Variants in KIF24 observed in about 807,000 individuals in gnomAD.
The protein encoded by KIF24 is kinesin-like protein KIF24.
A neutral mutation model predicts 118.9 loss-of-function variants in KIF24; 81 were observed. The observed-to-expected ratio is 0.68, with a 90% CI of 0.57 to 0.82. The LOEUF is 0.82. Ranked by LOEUF, KIF24 falls within the 40% of genes least tolerant of loss-of-function variation. KIF24 has a pLI of 0.00. For missense variants in KIF24, 1,560 were observed against 1,661.6 expected, an observed-to-expected ratio of 0.94 and a Z score of 1.06; for synonymous variants, 599 against 610.0, an observed-to-expected ratio of 0.98 and a Z score of 0.27.
At chr9:34,272,643 A>C (rs1835547967) in intron 6 of KIF24, among the ~76,000 whole-genome samples, 1 of 152,142 alleles carries the variant, frequency 6.6e-6, no homozygotes, top group Admixed American at 6.5e-5. Context: ...ATTTTTTTGA[A>C]ATAGGGGCTT....
chr9:34,269,301 G>A lies in KIF24; in HGVS notation c.1399C>T (p.Gln467Ter), dbSNP rs1220870283. 2 of 1,611,638 alleles carry A rather than the reference G, an allele frequency of 1.2e-6. No individual in the cohort carries two copies. Among genetic ancestry groups the A allele is most frequent in the Non-Finnish European group, 1.7e-6 (2 of 1,178,382 alleles). Residue 467 changes from glutamine to a stop codon, truncating the protein, a stop_gained, in exon 8 of 13, where the codon CAG becomes TAG. Coordinates refer to ENST00000402558, the MANE Select transcript of KIF24 (RefSeq NM_194313.4). LOFTEE classifies it high-confidence loss of function. ...ATTTCTGCACCTTCCATCTTTGTCT[G>A]TCTATCTGAGTCCCTTGCATCTGCT... ...RAADARDSDR[Q>*]TKMEGAEINQ... is the part of the protein sequence containing the mutation.
intron 8 of KIF24, among the ~76,000 whole-genome samples, chr9:34,264,633 G>A (rs1835218734): frequency 6.6e-6 from 1 of 152,080 alleles, no homozygotes; most frequent in Non-Finnish European, 1.5e-5. Context: ...AATCTATCCA[G>A]TATTCCCCAA....
intron 2 of KIF24, among the ~76,000 whole-genome samples, chr9:34,310,240 G>C (rs1837086348): frequency 6.6e-6 from 1 of 152,094 alleles, no homozygotes; most frequent in African/African-American, 2.4e-5. Context: ...AATGTGTGTA[G>C]GTGAACTAAC....
chr9:34,299,771 ATTCT>A (rs371056853), intron 3 of KIF24, among the ~76,000 whole-genome samples: 1 of 151,640 alleles, frequency 6.6e-6, no homozygotes, highest in East Asian at 1.9e-4. Flanking sequence ...AATAATATAT[ATTCT>A]TTTATATATA....
chr9:34,319,553 C>A, intron 1 of KIF24: 1 of 1,135,780 alleles, frequency 8.8e-7, no homozygotes, highest in South Asian at 1.3e-5. Flanking sequence ...TCTACTCCGA[C>A]CACCCCTTCA....
Position 34,256,703 on chromosome 9 carries a change from C to A in KIF24, c.2904G>T (p.Glu968Asp). ...FDLRKDASQSEVSGENEGNLP... is the reference protein window; with the variant it reads ...FDLRKDASQSDVSGENEGNLP... Reference sequence around the variant, plus strand: ...AGTTGCCCTCATTCTCCCCAGAAACCTCACTTTGGGAGGCATCCTTTCTGA... The same window carrying A: ...AGTTGCCCTCATTCTCCCCAGAAACATCACTTTGGGAGGCATCCTTTCTGA... The change falls in exon 11 of 13, where the codon GAG (glutamate) becomes GAT (aspartate). Residue 968 changes from glutamate to aspartate, a missense_variant. Physicochemically the swap from Glu to Asp is conservative, Grantham distance 45 (BLOSUM62 2). Transcript: ENST00000402558. The A allele has an allele frequency of 6.2e-7, 1 of 1,614,000 alleles. No individual in the cohort carries two copies. Among genetic ancestry groups the A allele is most frequent in the Non-Finnish European group, 8.5e-7 (1 of 1,179,894 alleles).
chr9:34,264,544 G>C (rs1250255643), intron 8 of KIF24, among the ~76,000 whole-genome samples: 1 of 151,980 alleles, frequency 6.6e-6, no homozygotes, highest in Non-Finnish European at 1.5e-5. Flanking sequence ...AGCAGCCACA[G>C]ATGCCCGCAA....
At chr9:34,300,844 ATTT>A (rs1836672890) in intron 3 of KIF24, among the ~76,000 whole-genome samples, 1 of 86,612 alleles carries the variant, frequency 1.2e-5, no homozygotes, top group South Asian at 5.5e-4. Flanking sequence ...TATATTCGGC[ATTT>A]CTCAAAAAAA....
At chr9:34,332,774 T>C (rs1245343894), upstream of KIF24, among the ~76,000 whole-genome samples, 1 of 152,188 alleles carries the variant, frequency 6.6e-6, no homozygotes, top group African/African-American at 2.4e-5. Flanking sequence ...AAAGGTGCAT[T>C]TGAGGGAATA....
chr9:34,310,154 G>C (rs1364883904), intron 2 of KIF24, among the ~76,000 whole-genome samples: 1 of 152,062 alleles, frequency 6.6e-6, no homozygotes, highest in Admixed American at 6.6e-5. Flanking sequence ...ATGTCTTACT[G>C]TTTGTAATCA....
chr9:34,321,350 A>G (rs1028089210), intron 1 of KIF24, among the ~76,000 whole-genome samples: 1 of 152,130 alleles, frequency 6.6e-6, no homozygotes, highest in African/African-American at 2.4e-5. Flanking sequence ...GCTAAGAACC[A>G]GGTGTGATAC....
intron 4 of KIF24, among the ~76,000 whole-genome samples, chr9:34,292,652 C>G (rs1836298685): frequency 6.6e-6 from 1 of 152,096 alleles, no homozygotes; most frequent in Non-Finnish European, 1.5e-5. Context: ...AGCAAGGGAA[C>G]CATAGAAATG....
chr9:34,256,957 C>A lies in KIF24; in HGVS notation c.2650G>T (p.Asp884Tyr). 6.2e-7 allele frequency: 1 copy of A among 1,614,012 alleles called. No homozygotes were observed. The highest frequency in any genetic ancestry group is 1.7e-5 in the Admixed American group (1 of 60,020). The change falls in exon 11 of 13, where the codon GAC (aspartate) becomes TAC (tyrosine). Residue 884 changes from aspartate to tyrosine, a missense_variant. Transcript: ENST00000402558. ...CAGCTTTTAGTTAGATCTTTCTTGT[C>A]ACCTGTCCTGGGGCTAGAAAACAGA... is the stretch of plus-strand genomic sequence containing the variant. Reference protein sequence around the residue: ...QSLFSSPRTGDKKDLTKSWVD... With the variant: ...QSLFSSPRTGYKKDLTKSWVD...
chr9:34,260,364 A>C (rs1283679841), intron 9 of KIF24, among the ~76,000 whole-genome samples: 1 of 152,184 alleles, frequency 6.6e-6, no homozygotes, highest in South Asian at 2.1e-4. Context: ...AAACTAAATA[A>C]TTATACACTG....
In KIF24 at chr9:34,253,759, T is replaced by C. The variant is rs968790509; in HGVS notation, c.*621A>G. The C allele has an allele frequency of 1.3e-5, 2 of 152,258 alleles. No individual in the cohort carries two copies. The highest frequency in any genetic ancestry group is 2.4e-5 in the African/African-American group (1 of 41,458). The allele number at this position is 152,258 out of a possible 1,614,324, so 9.4% of individuals were successfully genotyped here. A position where few individuals can be genotyped will look rare whatever the true frequency, so the allele number is the denominator to read the frequency against. Reference sequence around the variant, plus strand: ...AAGGGAGCTGTAAATATAAGGCCTGTCTCACATCTGCTGCTGTCAGTGACA... The same window carrying C: ...AAGGGAGCTGTAAATATAAGGCCTGCCTCACATCTGCTGCTGTCAGTGACA... On this transcript the variant is annotated 3_prime_UTR_variant, in exon 13 of 13. Coordinates refer to ENST00000402558, the MANE Select transcript of KIF24 (RefSeq NM_194313.4).
chr9:34,264,577 G>A (rs1405457904), intron 8 of KIF24, among the ~76,000 whole-genome samples: 1 of 151,972 alleles, frequency 6.6e-6, no homozygotes, highest in Non-Finnish European at 1.5e-5. Context: ...TATCCAAGAA[G>A]CTGCAGGGTA....
chr9:34,283,531 C>A (rs1294227117), intron 6 of KIF24, among the ~76,000 whole-genome samples: 1 of 151,982 alleles, frequency 6.6e-6, no homozygotes, highest in Non-Finnish European at 1.5e-5. Context: ...AATACCCACA[C>A]CTGGGCCCCA....
At position 34,311,003 on chromosome 9, in the gene KIF24, C is replaced by T. The variant is rs367661038; in HGVS notation, c.344G>A (p.Gly115Glu). ...ATCTGATAAACTGCACATTTCAAAC[C>T]CATCATTGCTGGCATTTCTGTCTTT... The part of the protein sequence containing the change: ...DNKDRNASND[G>E]FEMCSLSDFS... Residue 115 changes from glycine (G) to glutamate (E), a missense_variant, in exon 2 of 13, where the codon GGG (glycine) becomes GAG (glutamate). By Grantham distance (98) the Gly-to-Glu change is moderately conservative (BLOSUM62 -2). This residue lies in a region of KIF24 where 964 missense variants were observed against 988.0 expected (regional missense o/e 0.98). Transcript: ENST00000402558. The T allele has an allele frequency of 6.2e-7, 1 of 1,613,906 alleles. No homozygotes were observed. The highest frequency in any genetic ancestry group is 1.7e-5 in the Admixed American group (1 of 60,008).
At chr9:34,286,537 A>T in intron 6 of KIF24, 80 bp downstream of exon 6, 1 of 971,762 alleles carries the variant, frequency 1.0e-6, no homozygotes, top group Non-Finnish European at 1.7e-6. Context: ...AGTCCACAGT[A>T]CTTGCTTAGT....
Sources: allele counts gnomAD v4.1 joint callset (sites outside exome capture counted in the v4.1 genomes callset), GRCh38; gene constraint gnomAD v4.1.1; regional missense constraint gnomAD v4.1.1; transcripts MANE v1.5; gene names NCBI Gene and HGNC (gene_info 2026-07-23, HGNC 2026-07-21).